Variants in WSCD2 observed in about 807,000 individuals in gnomAD.
The protein encoded by WSCD2 is sialate:O-sulfotransferase 2.
In WSCD2, 28 loss-of-function variants were observed where a neutral mutation model predicts 55.7. The observed-to-expected ratio is 0.50, with a 90% CI of 0.37 to 0.69. The LOEUF (loss-of-function observed/expected upper bound fraction) is 0.69, where lower values mean the gene tolerates loss of function less well. Ranked by LOEUF, WSCD2 falls within the 30% of genes least tolerant of loss-of-function variation. WSCD2 has a pLI of 0.00. For synonymous variants in WSCD2, 301 were observed against 301.9 expected (o/e 1.00, Z 0.03); for missense variants, 616 against 762.1 (o/e 0.81, Z 2.26).
intron 1 of WSCD2, chr12:108,167,503 A>G (rs1879789759): frequency 6.6e-6 from 1 of 152,194 alleles, no homozygotes. Flanking sequence ...AGACCAAAAC[A>G]CAACTCAAGT....
chr12:108,230,132 G>A (rs1888587829), intron 6 of WSCD2, among the ~76,000 whole-genome samples: 2 of 152,120 alleles, frequency 1.3e-5, no homozygotes, highest in African/African-American at 2.4e-5. Flanking sequence ...CCATAGAGTG[G>A]AATGCACATA....
intron 2 of WSCD2, among the ~76,000 whole-genome samples, chr12:108,201,859 G>GCCC: frequency 6.6e-6 from 1 of 152,254 alleles, no homozygotes; most frequent in Non-Finnish European, 1.5e-5. Context: ...AAAAAAAACT[G>GCCC]CCACCAGGAG....
chr12:108,211,899 G>A (rs935944651), intron 4 of WSCD2, among the ~76,000 whole-genome samples: 3 of 149,314 alleles, frequency 2.0e-5, no homozygotes, highest in African/African-American at 7.4e-5. Context: ...TCCTGACCTC[G>A]TGATCCACCC....
chr12:108,154,987 C>T (rs1726494198), intron 1 of WSCD2, among the ~76,000 whole-genome samples: 1 of 152,026 alleles, frequency 6.6e-6, no homozygotes, highest in Non-Finnish European at 1.5e-5. Context: ...CGAATATGCC[C>T]CAGATCCCAG....
chr12:108,156,563 G>C (rs1309812426), intron 1 of WSCD2, among the ~76,000 whole-genome samples: 2 of 152,168 alleles, frequency 1.3e-5, no homozygotes, highest in African/African-American at 4.8e-5. Context: ...TAAGGAGCCA[G>C]CACATTAAAA....
intron 1 of WSCD2, among the ~76,000 whole-genome samples, chr12:108,193,456 T>TTGGA (rs1172712776): frequency 1.3e-5 from 2 of 151,128 alleles, no homozygotes; most frequent in Non-Finnish European, 3.0e-5. Flanking sequence ...GGGTGGAGAG[T>TTGGA]TGGATGGATG....
chr12:108,210,403 C>T lies in WSCD2; in HGVS notation c.682+98C>T, dbSNP rs1455585818. 5 of 1,426,762 alleles carry T rather than the reference C, an allele frequency of 3.5e-6. No homozygotes were observed. Among genetic ancestry groups the T allele is most frequent in the Non-Finnish European group, 4.7e-6 (5 of 1,073,102 alleles). 88.4% of individuals were successfully genotyped at this position (1,426,762 alleles called of 1,614,324 possible). On this transcript the variant is annotated intron_variant, in intron 4 of 8. Transcript: ENST00000547525. This position sits in a 1 kb window ranked among gnomAD's most constrained non-coding sequence, Gnocchi z 4.3. ...CATGTCTGCCCTGTACCCTCCATGG[C>T]TCCCCATCACTCCAAGGCCACCACC... is the stretch of plus-strand genomic sequence containing the variant.
intron 1 of WSCD2, among the ~76,000 whole-genome samples, chr12:108,169,302 A>C (rs947336073): frequency 1.3e-5 from 2 of 152,198 alleles, no homozygotes; most frequent in African/African-American, 4.8e-5. Context: ...AATACATGTA[A>C]TACACATGAA....
At chr12:108,234,220 G>A (rs182551594) in intron 7 of WSCD2, among the ~76,000 whole-genome samples, 3 of 152,358 alleles carry the variant, frequency 2.0e-5, no homozygotes, top group Admixed American at 6.5e-5. Flanking sequence ...ATTCAACGTC[G>A]TCAATAAAAG....
chr12:108,173,182 T>C (rs1880411770), intron 1 of WSCD2, among the ~76,000 whole-genome samples: 1 of 152,180 alleles, frequency 6.6e-6, no homozygotes. Flanking sequence ...CCCTTGCTGC[T>C]GCTTCACTAG....
At position 108,164,138 on chromosome 12, in the gene WSCD2, CCTTTTTTTT is replaced by C. The variant is rs1201682297; in HGVS notation, c.-551-31143_-551-31135del. ...TTTATACTGTTGTTTAATCTTAAAT[CCTTTTTTTT>C]TTTTTTTTTTTTTTTCAGAGAGGGG... On this transcript the variant is annotated intron_variant, in intron 1 of 8. Transcript: ENST00000547525. Among the ~76,000 whole-genome samples the C allele has an allele frequency of 3.5e-4, 25 of 71,696 alleles. 3 individuals are homozygous for C. The highest frequency in any genetic ancestry group is 5.0e-4 in the Non-Finnish European group (19 of 38,258). The allele number at this position is 71,696 out of a possible 152,430, so 47.0% of individuals were successfully genotyped here. A position where few individuals can be genotyped will look rare whatever the true frequency, so the allele number is the denominator to read the frequency against.
In WSCD2 at chr12:108,248,608, T is replaced by A. The variant is rs554732880; in HGVS notation, c.*265T>A. 1.4e-4 allele frequency: 168 copies of A among 1,230,504 alleles called. 1 individual carries two copies. In the South Asian group the frequency reaches 3.9e-3, roughly 28 times the overall value. The allele number at this position is 1,230,504 out of a possible 1,614,324, so 76.2% of individuals were successfully genotyped here. On this transcript the variant is annotated 3_prime_UTR_variant, in exon 9 of 9. Coordinates refer to ENST00000547525, the MANE Select transcript of WSCD2 (RefSeq NM_014653.4). This position sits in a 1 kb window ranked among gnomAD's most constrained non-coding sequence, Gnocchi z 4.3. Reference sequence around the variant, plus strand: ...GGGGTTCTAGTTACATGGACTCTTTTCTGTCTCCTGGGTCCCTGCCCCCAC... The same window carrying A: ...GGGGTTCTAGTTACATGGACTCTTTACTGTCTCCTGGGTCCCTGCCCCCAC...
In WSCD2 at chr12:108,207,533, C is replaced by CTTTT. The variant is rs35090663; in HGVS notation, c.497+1153_497+1156dup. Among the ~76,000 whole-genome samples the CTTTT allele has an allele frequency of 2.5e-3, 133 of 53,628 alleles. 5 individuals are homozygous for CTTTT. The highest frequency in any genetic ancestry group is 0.011 in the African/African-American group (125 of 11,632). The allele number at this position is 53,628 out of a possible 152,430, so 35.2% of individuals were successfully genotyped here. On this transcript the variant is annotated intron_variant, in intron 3 of 8. Coordinates refer to ENST00000547525, the MANE Select transcript of WSCD2 (RefSeq NM_014653.4). ...TACAGGCGCATGCCACCATGCCTGGCTTTTTTTTTTTTTTTTTTTTTTTTT... is the reference window on the plus strand; with the variant it reads ...TACAGGCGCATGCCACCATGCCTGGCTTTTTTTTTTTTTTTTTTTTTTTTTTTTT...
Position 108,147,598 on chromosome 12 carries a change from C to T in WSCD2, c.-552+17672C>T, listed in dbSNP as rs76568085. Among the ~76,000 whole-genome samples the T allele has an allele frequency of 1.1e-3, 175 of 152,200 alleles. 2 individuals are homozygous for T. The East Asian group carries it at 0.03, about 26-fold the overall frequency. On this transcript the variant is annotated intron_variant, in intron 1 of 8. Coordinates refer to ENST00000547525, the MANE Select transcript of WSCD2 (RefSeq NM_014653.4). ...CTCAGGTCAGAAATGTCAGGGACAG[C>T]GGGTATGGTGGCTCATGCCTGTAAT...
intron 1 of WSCD2, among the ~76,000 whole-genome samples, chr12:108,146,673 C>T (rs997457671): frequency 1.3e-5 from 2 of 152,172 alleles, no homozygotes; most frequent in African/African-American, 2.4e-5. Flanking sequence ...GAGGCCCAGG[C>T]GTAGGGTGGG....
chr12:108,155,863 A>T (rs1445072040), intron 1 of WSCD2, among the ~76,000 whole-genome samples: 1 of 152,144 alleles, frequency 6.6e-6, no homozygotes, highest in Non-Finnish European at 1.5e-5. Context: ...AGATGATCTG[A>T]AAAGACTCCC....
intron 7 of WSCD2, among the ~76,000 whole-genome samples, chr12:108,236,275 A>C (rs1889258844): frequency 6.6e-6 from 1 of 152,200 alleles, no homozygotes; most frequent in Non-Finnish European, 1.5e-5. Context: ...GTGGTCTCCC[A>C]GACCCTCCTA....
intron 1 of WSCD2, among the ~76,000 whole-genome samples, chr12:108,135,353 C>A (rs1876079323): frequency 2.0e-5 from 3 of 152,218 alleles, no homozygotes; most frequent in Admixed American, 2.0e-4. Flanking sequence ...GTTATGGAGG[C>A]AGATGAAGCT....
chr12:108,146,970 T>A (rs1195745305), intron 1 of WSCD2, among the ~76,000 whole-genome samples: 1 of 152,218 alleles, frequency 6.6e-6, no homozygotes, highest in Non-Finnish European at 1.5e-5. Flanking sequence ...TTGCCATTTA[T>A]TAAACAGATA....
Sources: allele counts gnomAD v4.1 joint callset (sites outside exome capture counted in the v4.1 genomes callset), GRCh38; gene constraint gnomAD v4.1.1; non-coding constraint Gnocchi (gnomAD v3.1); transcripts MANE v1.5; gene names NCBI Gene and HGNC (gene_info 2026-07-23, HGNC 2026-07-21).